The following YIPF7 variants were observed in gnomAD, a reference collection of about 807,000 sequenced individuals.
The protein encoded by YIPF7 is Yip1 domain family member 7.
YIPF7 carries 35 observed loss-of-function variants against 27.2 expected under a neutral mutation model. That is an observed-to-expected ratio of 1.29 (90% CI 0.98 to 1.70). YIPF7 has a LOEUF of 1.70. Among genes scored for constraint, YIPF7 ranks in the 40% most tolerant of loss-of-function variants. YIPF7 has a pLI of 0.00. For missense variants in YIPF7, 358 were observed against 303.7 expected (o/e 1.18, Z -1.33); for synonymous variants, 137 against 110.4 (o/e 1.24, Z -1.51).
chr4:44,624,898 T>C, intron 4 of YIPF7, 116 bp from the exon 5 acceptor site: 1 of 942,144 alleles, frequency 1.1e-6, no homozygotes. Flanking sequence ...CATGTCTTTG[T>C]AGGACTGTCA....
At chr4:44,655,851 CAG>C (rs35597400), upstream of YIPF7, among the ~76,000 whole-genome samples, 24,120 of 151,868 alleles carry the variant, frequency 0.16, 2,486 homozygotes, top group South Asian at 0.32. Context: ...CTGAATATTA[CAG>C]AGACACATGA....
chr4:44,624,577 C>G (rs1417198730), intron 5 of YIPF7, 24 bp downstream of exon 5: 3 of 1,547,592 alleles, frequency 1.9e-6, no homozygotes, highest in Non-Finnish European at 2.6e-6. Context: ...CATGTGGGGT[C>G]ATTGAGAGCA....
intron 2 of YIPF7, among the ~76,000 whole-genome samples, chr4:44,643,042 C>T (rs922857552): frequency 2.6e-5 from 4 of 152,000 alleles, no homozygotes; most frequent in African/African-American, 7.3e-5. Flanking sequence ...AGGTAGATGT[C>T]AGAAGAGTGT....
intron 3 of YIPF7, among the ~76,000 whole-genome samples, chr4:44,635,716 A>G (rs1348004511): frequency 6.6e-6 from 1 of 152,146 alleles, no homozygotes; most frequent in African/African-American, 2.4e-5. Context: ...ATCACAGAAT[A>G]TCTCATATCT....
chr4:44,649,471 T>C (rs1054549698), intron 2 of YIPF7, among the ~76,000 whole-genome samples: 2 of 152,168 alleles, frequency 1.3e-5, no homozygotes, highest in Non-Finnish European at 2.9e-5. Flanking sequence ...TTAAGACTTC[T>C]TAAAACAAGA....
At chr4:44,624,060 C>CTT (rs1170920998) in intron 5 of YIPF7, among the ~76,000 whole-genome samples, 29 of 137,142 alleles carry the variant, frequency 2.1e-4, no homozygotes, top group African/African-American at 4.8e-4. Flanking sequence ...TTCTCTCTCT[C>CTT]TTTTTTTTTT....
In YIPF7 at chr4:44,648,298, T is replaced by C. The variant is rs533639966; in HGVS notation, c.116+1687A>G. Among the ~76,000 whole-genome samples, 5 of 152,236 alleles carry C rather than the reference T, an allele frequency of 3.3e-5. 1 individual carries two copies. Among genetic ancestry groups the C allele is most frequent in the African/African-American group, 1.2e-4 (5 of 41,560 alleles). On this transcript the variant is annotated intron_variant, in intron 2 of 5. Transcript: ENST00000415895. ...ACATACTGGTTGAGCATCCTTAATC[T>C]GAAAACTAGAAATCCGAAATGCTCC...
At chr4:44,661,303 A>C (rs1714036210) in intron 1 of YIPF7, among the ~76,000 whole-genome samples, 1 of 152,214 alleles carries the variant, frequency 6.6e-6, no homozygotes, top group South Asian at 2.1e-4. Context: ...TAAATATCTC[A>C]TGGGCACATC....
intron 2 of YIPF7, among the ~76,000 whole-genome samples, chr4:44,657,032 T>C (rs1262312112): frequency 1.3e-5 from 2 of 152,172 alleles, no homozygotes; most frequent in African/African-American, 2.4e-5. Flanking sequence ...ATGACAACAT[T>C]GCTATTTCAT....
chr4:44,654,571 G>A (rs1234088947), upstream of YIPF7, among the ~76,000 whole-genome samples: 1 of 151,684 alleles, frequency 6.6e-6, no homozygotes, highest in Non-Finnish European at 1.5e-5. Flanking sequence ...AATTCCCAAA[G>A]TTACATATGC....
Position 44,624,800 on chromosome 4 carries a change from A to C in YIPF7, c.427-18T>G. 1 of 1,596,614 alleles carries C rather than the reference A, an allele frequency of 6.3e-7. No individual in the cohort carries two copies. The highest frequency in any genetic ancestry group is 8.5e-7 in the Non-Finnish European group (1 of 1,172,326). The stretch of plus-strand genomic sequence containing the variant: ...TTTCCTGCCTGAAACGACGTGAAGA[A>C]AAAACAGTTTGAACACACAATGGAC... On this transcript the variant is annotated intron_variant, in intron 4 of 5. Transcript: ENST00000415895.
intron 2 of YIPF7, among the ~76,000 whole-genome samples, chr4:44,641,609 C>T (rs968420193): frequency 6.6e-6 from 1 of 152,062 alleles, no homozygotes; most frequent in African/African-American, 2.4e-5. Flanking sequence ...TACAAAATGG[C>T]CTTTAGTACT....
At chr4:44,638,764 C>A (rs777559316) in intron 2 of YIPF7, among the ~76,000 whole-genome samples, 98 of 152,254 alleles carry the variant, frequency 6.4e-4, no homozygotes, top group African/African-American at 2.1e-3. Context: ...AAATTCTTTG[C>A]CTAGACCAGT....
chr4:44,656,258 C>G (rs1713897560), upstream of YIPF7, among the ~76,000 whole-genome samples: 1 of 151,944 alleles, frequency 6.6e-6, no homozygotes, highest in South Asian at 2.1e-4. Flanking sequence ...ATCCATTTAG[C>G]AAATTGATGT....
upstream of YIPF7, among the ~76,000 whole-genome samples, chr4:44,656,054 G>A (rs1316975959): frequency 2.0e-5 from 3 of 151,844 alleles, no homozygotes; most frequent in Non-Finnish European, 4.4e-5. Context: ...TGTCTTTACA[G>A]AAAACATTGC....
At chr4:44,626,979 T>C (rs1269607482) in intron 4 of YIPF7, among the ~76,000 whole-genome samples, 1 of 151,632 alleles carries the variant, frequency 6.6e-6, no homozygotes, top group African/African-American at 2.4e-5. Context: ...AGACGGGGTT[T>C]CACTGTATTA....
At chr4:44,650,224 T>G (rs1713682329) in intron 1 of YIPF7, 123 bp from the exon 2 acceptor site, 1 of 693,948 alleles carries the variant, frequency 1.4e-6, no homozygotes, top group Non-Finnish European at 2.6e-6. Flanking sequence ...AAGATGTCCT[T>G]TGAATGGGGT....
At chr4:44,636,114 A>T in intron 2 of YIPF7, 29 bp from the exon 3 acceptor site, 2 of 1,568,450 alleles carry the variant, frequency 1.3e-6, no homozygotes, top group Non-Finnish European at 1.7e-6. Context: ...AAACATTTAC[A>T]TGTCTAAGAA....
At chr4:44,655,885 G>T (rs1713889792), upstream of YIPF7, among the ~76,000 whole-genome samples, 1 of 151,928 alleles carries the variant, frequency 6.6e-6, no homozygotes, top group Admixed American at 6.6e-5. Context: ...AAATTCTGTT[G>T]CACTGCATGA....
Sources: allele counts gnomAD v4.1 joint callset (sites outside exome capture counted in the v4.1 genomes callset), GRCh38; gene constraint gnomAD v4.1.1; transcripts MANE v1.5; gene names NCBI Gene and HGNC (gene_info 2026-07-23, HGNC 2026-07-21).